SLFN12L: variants seen among roughly 807,000 people sequenced by gnomAD.
SLFN12L encodes the protein schlafen family member 12 like, also known as schlafen family member 12-like.
A neutral mutation model predicts 34.8 loss-of-function variants in SLFN12L; 34 were observed. The observed-to-expected ratio is 0.98, with a 90% CI of 0.74 to 1.30. The LOEUF is 1.30. Among genes scored for constraint, SLFN12L ranks in the 50% most tolerant of loss-of-function variants. The probability of loss-of-function intolerance (pLI) is 0.00; values close to 1 mark genes in which losing one functional copy is unlikely to be tolerated. For synonymous variants in SLFN12L, 259 were observed against 247.5 expected (o/e 1.05, Z -0.44); for missense variants, 703 against 696.2 (o/e 1.01, Z -0.11).
At chr17:35,533,118 A>G (rs1388564622) in intron 1 of SLFN12L, among the ~76,000 whole-genome samples, 1 of 152,230 alleles carries the variant, frequency 6.6e-6, no homozygotes, top group African/African-American at 2.4e-5. Context: ...AGAATTTTAT[A>G]TTCTGCTTTT....
At chr17:35,500,835 A>C (rs1198669737) in intron 2 of SLFN12L, among the ~76,000 whole-genome samples, 1 of 152,056 alleles carries the variant, frequency 6.6e-6, no homozygotes, top group Non-Finnish European at 1.5e-5. Context: ...GTTGTGCTCC[A>C]TTCTGATTAC....
At chr17:35,488,789 GCC>G (rs1264177033) in intron 2 of SLFN12L, among the ~76,000 whole-genome samples, 1 of 152,168 alleles carries the variant, frequency 6.6e-6, no homozygotes, top group Non-Finnish European at 1.5e-5. Flanking sequence ...TATATAGCTG[GCC>G]GGGCGCGGTG....
At chr17:35,499,244 C>T in intron 2 of SLFN12L, 1 of 872,230 alleles carries the variant, frequency 1.1e-6, no homozygotes, top group Non-Finnish European at 1.7e-6. Flanking sequence ...CCTTACCAAA[C>T]ACGACATATC....
At chr17:35,516,086 A>G (rs1915819321) in intron 2 of SLFN12L, among the ~76,000 whole-genome samples, 1 of 152,200 alleles carries the variant, frequency 6.6e-6, no homozygotes. Context: ...ATATAGGACC[A>G]TAGAATTTGA....
chr17:35,496,796 G>A (rs1472641057), intron 2 of SLFN12L, among the ~76,000 whole-genome samples: 2 of 152,108 alleles, frequency 1.3e-5, no homozygotes, highest in Non-Finnish European at 2.9e-5. Flanking sequence ...CAGACCCTCA[G>A]CTCTCCAGTG....
In SLFN12L at chr17:35,471,911, G is replaced by GT. The variant is rs1913815865; in HGVS notation, c.*3011dup. ...CCTTTATCCACTTTTCAATGGGGTT[G>GT]TTTTTTCCTTGTAAATTTGTTTAAG... On this transcript the variant is annotated 3_prime_UTR_variant, in exon 5 of 5. Coordinates refer to ENST00000628453, the MANE Select transcript of SLFN12L (RefSeq NM_001363830.2). Among the ~76,000 whole-genome samples the GT allele has an allele frequency of 6.6e-6, 1 of 151,984 alleles. No individual in the cohort carries two copies. Among genetic ancestry groups the GT allele is most frequent in the East Asian group, 1.9e-4 (1 of 5,198 alleles).
intron 2 of SLFN12L, among the ~76,000 whole-genome samples, chr17:35,518,292 C>A (rs894240737): frequency 6.6e-6 from 1 of 152,208 alleles, no homozygotes; most frequent in African/African-American, 2.4e-5. Flanking sequence ...TGGCCCACGC[C>A]TGTAATCCCA....
chr17:35,528,361 A>C (rs1408462822), intron 1 of SLFN12L, among the ~76,000 whole-genome samples: 1 of 6,344 alleles, frequency 1.6e-4, no homozygotes. Flanking sequence ...TTTAAACTTC[A>C]TATAGAACCA....
chr17:35,479,944 T>G lies in SLFN12L; in HGVS notation c.338A>C (p.Lys113Thr), dbSNP rs917325691. 2 of 1,614,082 alleles carry G rather than the reference T, an allele frequency of 1.2e-6. No individual in the cohort carries two copies. Among genetic ancestry groups the G allele is most frequent in the Admixed American group, 1.7e-5 (1 of 60,012 alleles). ...CAAATCTAGCCCTATTCCATCTTTT[T>G]TATAACTATAGCCTTTATTCTCAAC... is the stretch of plus-strand genomic sequence containing the variant. ...AEVENKGYSY[K>T]KDGIGLDLEN... Residue 113 changes from lysine (K) to threonine (T), a missense_variant, in exon 3 of 5, where the codon AAA (lysine) becomes ACA (threonine). Physicochemically the swap from Lys to Thr is moderately conservative, Grantham distance 78. Transcript: ENST00000628453.
intron 3 of SLFN12L, 46 bp from the exon 4 acceptor site, chr17:35,478,231 A>G: frequency 1.5e-6 from 2 of 1,302,094 alleles, no homozygotes; most frequent in Non-Finnish European, 2.2e-6. Flanking sequence ...TTAATTTGGC[A>G]TGGGAGAGAC....
intron 2 of SLFN12L, among the ~76,000 whole-genome samples, chr17:35,492,968 AACAC>A (rs745926001): frequency 4.4e-5 from 3 of 68,428 alleles, no homozygotes; most frequent in African/African-American, 2.1e-4. Context: ...GGAAAAAAAA[AACAC>A]ACACACACAC....
chr17:35,525,814 A>G (rs1446404709), intron 1 of SLFN12L, among the ~76,000 whole-genome samples: 1 of 152,216 alleles, frequency 6.6e-6, no homozygotes, highest in African/African-American at 2.4e-5. Context: ...GGGCAAAATA[A>G]CCAGCTAGCA....
chr17:35,494,218 T>C, intron 2 of SLFN12L, among the ~76,000 whole-genome samples: 1 of 133,214 alleles, frequency 7.5e-6, no homozygotes, highest in South Asian at 2.3e-4. Flanking sequence ...AGAAAATATG[T>C]AATATAATGT....
intron 1 of SLFN12L, among the ~76,000 whole-genome samples, chr17:35,534,206 C>T (rs2072437682): frequency 6.6e-6 from 1 of 151,322 alleles, no homozygotes; most frequent in Admixed American, 6.6e-5. Flanking sequence ...ACTAAAAATA[C>T]AAAAAATTAG....
At chr17:35,496,336 G>A (rs1489868028) in intron 2 of SLFN12L, among the ~76,000 whole-genome samples, 1 of 151,978 alleles carries the variant, frequency 6.6e-6, no homozygotes, top group Non-Finnish European at 1.5e-5. Context: ...CGACAAGAGT[G>A]AGACCCACTC....
chr17:35,522,678 C>T lies in SLFN12L; in HGVS notation c.-314G>A, dbSNP rs1916033833. On this transcript the variant is annotated 5_prime_UTR_variant, in exon 2 of 5. The change creates a new upstream start codon in the 5' untranslated region. Transcript: ENST00000628453. ...GGCAGAGGACCTTGGCCCTGACACA[C>T]ACCTCCCCAGTGTAGCCCCCCATGT... is the stretch of plus-strand genomic sequence containing the variant. 9.3e-6 allele frequency: 15 copies of T among 1,613,978 alleles called. No homozygotes were observed. Among genetic ancestry groups the T allele is most frequent in the African/African-American group, 5.3e-5 (4 of 74,886 alleles).
intron 4 of SLFN12L, among the ~76,000 whole-genome samples, chr17:35,475,871 G>A (rs1424218441): frequency 6.6e-6 from 1 of 151,688 alleles, no homozygotes; most frequent in Non-Finnish European, 1.5e-5. Context: ...CTGCACTCCA[G>A]CCTGGGCAAC....
intron 3 of SLFN12L, 113 bp downstream of exon 3, chr17:35,479,004 A>C: frequency 4.0e-6 from 3 of 751,406 alleles, no homozygotes; most frequent in Non-Finnish European, 6.4e-6. Context: ...TGTATCCACC[A>C]GAGATGTTGA....
At chr17:35,490,537 C>T (rs1480941400) in intron 2 of SLFN12L, 3 of 863,022 alleles carry the variant, frequency 3.5e-6, no homozygotes, top group Non-Finnish European at 6.0e-6. Flanking sequence ...AAATAACGTC[C>T]AGTGGATGGG....
Sources: gnomAD v4.1 joint callset for allele counts (sites outside exome capture counted in the v4.1 genomes callset) on GRCh38, gnomAD v4.1.1 for gene constraint, MANE v1.5 for transcripts, NCBI Gene and HGNC (gene_info 2026-07-23, HGNC 2026-07-21) for gene names.